The following DSG2 variants were observed in gnomAD, a reference collection of about 807,000 sequenced individuals.
The protein encoded by DSG2 is desmoglein-2.
In DSG2, 45 loss-of-function variants were observed where a neutral mutation model predicts 75.6. The observed-to-expected ratio is 0.60, with a 90% CI of 0.47 to 0.76. The LOEUF is 0.76. Among genes scored for constraint, DSG2 ranks in the 30% least tolerant of loss-of-function variants. DSG2 has a pLI of 0.00. For missense variants in DSG2, 1,267 were observed against 1,357.4 expected (o/e 0.93, Z 1.05); for synonymous variants, 429 against 483.9 (o/e 0.89, Z 1.49).
intron 11 of DSG2, among the ~76,000 whole-genome samples, chr18:31,537,729 C>T (rs2073240042): frequency 6.6e-6 from 1 of 152,052 alleles, no homozygotes; most frequent in African/African-American, 2.4e-5. Context: ...TGAAGCCGGG[C>T]ATGGTAGCTC....
chr18:31,530,688 G>A (rs2073190756), intron 8 of DSG2, among the ~76,000 whole-genome samples: 1 of 151,892 alleles, frequency 6.6e-6, no homozygotes, highest in Non-Finnish European at 1.5e-5. Flanking sequence ...CAAAGTGCTG[G>A]GATTACAGGC....
intron 1 of DSG2, among the ~76,000 whole-genome samples, chr18:31,507,041 T>C (rs1251573532): frequency 2.0e-5 from 3 of 152,210 alleles, no homozygotes; most frequent in South Asian, 4.1e-4. Flanking sequence ...ACTCGTCATC[T>C]GTATTAGGTA....
At chr18:31,511,068 A>G (rs116526442) in intron 1 of DSG2, among the ~76,000 whole-genome samples, 3,002 of 152,274 alleles carry the variant, frequency 0.02, 64 homozygotes, top group South Asian at 0.1. Context: ...CAGTCATGTT[A>G]CTTGCAGTAT....
chr18:31,516,141 G>GT (rs139697229), intron 1 of DSG2, among the ~76,000 whole-genome samples: 3,643 of 149,384 alleles, frequency 0.024, 138 homozygotes, highest in African/African-American at 0.079. Flanking sequence ...GAGGGATCTG[G>GT]TTTTTTTTTT....
chr18:31,531,166 C>T lies in DSG2; in HGVS notation c.1194C>T (p.Ser398=), dbSNP rs770669833. The T allele has an allele frequency of 8.1e-6, 13 of 1,613,930 alleles. No individual in the cohort carries two copies. The highest frequency in any genetic ancestry group is 6.7e-5 in the Admixed American group (4 of 59,996). ...FKSSVISIYV[S]ESMDRSSKGQ... The stretch of plus-strand genomic sequence containing the variant: ...GCAGCGTCATCTCAATTTATGTTAG[C>T]GAGAGCATGGATAGATCAAGCAAAG... The change falls in exon 9 of 15, where the codon AGC becomes AGT. Residue 398 remains serine, a synonymous_variant. Transcript: ENST00000261590.
chr18:31,505,646 AT>A (rs1217632730), intron 1 of DSG2, among the ~76,000 whole-genome samples: 9 of 145,842 alleles, frequency 6.2e-5, no homozygotes, highest in East Asian at 2.0e-4. Context: ...TTAAGTAGTA[AT>A]TTTTTTTTCT....
At chr18:31,539,031 T>C in intron 12 of DSG2, 53 bp downstream of exon 12, 1 of 1,501,196 alleles carries the variant, frequency 6.7e-7, no homozygotes, top group Non-Finnish European at 9.2e-7. Context: ...AGTGCACTCC[T>C]GGAGATGTGT....
rs2073248582 is a variant in DSG2, at chr18:31,538,879, C to T, written c.1780C>T (p.Leu594=). 1 of 1,614,052 alleles carries T rather than the reference C, an allele frequency of 6.2e-7. No individual in the cohort carries two copies. Among genetic ancestry groups the T allele is most frequent in the African/African-American group, 1.3e-5 (1 of 74,914 alleles). Residue 594 remains leucine (L), a synonymous_variant, in exon 12 of 15, where the codon CTG becomes TTG. Coordinates refer to ENST00000261590, the MANE Select transcript of DSG2 (RefSeq NM_001943.5). ...QVLTLTVCEC[L]HGSGCREAQH... is the part of the protein sequence containing the mutation. Reference sequence around the variant, plus strand: ...CCTTACACTCACAGTTTGTGAGTGTCTGCATGGCAGCGGCTGCAGGGAAGC... The same window carrying T: ...CCTTACACTCACAGTTTGTGAGTGTTTGCATGGCAGCGGCTGCAGGGAAGC...
chr18:31,507,297 T>C (rs1481495596), intron 1 of DSG2, among the ~76,000 whole-genome samples: 1 of 152,232 alleles, frequency 6.6e-6, no homozygotes, highest in Non-Finnish European at 1.5e-5. Context: ...ATGGTGTATA[T>C]GTACCACATT....
chr18:31,519,014 T>A (rs903966068), intron 2 of DSG2, among the ~76,000 whole-genome samples: 1 of 152,234 alleles, frequency 6.6e-6, no homozygotes, highest in African/African-American at 2.4e-5. Flanking sequence ...ATTCATTAAC[T>A]GGCAGTTTCC....
intron 8 of DSG2, among the ~76,000 whole-genome samples, chr18:31,527,959 C>T (rs1249015815): frequency 6.6e-6 from 1 of 152,162 alleles, no homozygotes; most frequent in Non-Finnish European, 1.5e-5. Flanking sequence ...CCCAGGATCT[C>T]CCAAAAGCCC....
At chr18:31,502,380 A>G (rs2073018005) in intron 1 of DSG2, among the ~76,000 whole-genome samples, 1 of 152,264 alleles carries the variant, frequency 6.6e-6, no homozygotes, top group Non-Finnish European at 1.5e-5. Context: ...TTTATGACAT[A>G]GAAAAATTTA....
chr18:31,501,368 C>T (rs971671056), intron 1 of DSG2, among the ~76,000 whole-genome samples: 2 of 152,190 alleles, frequency 1.3e-5, no homozygotes, highest in African/African-American at 4.8e-5. Flanking sequence ...TAGCAGATCA[C>T]ACTGTGAGCA....
intron 1 of DSG2, among the ~76,000 whole-genome samples, chr18:31,511,197 G>A (rs1168636986): frequency 6.6e-6 from 1 of 152,066 alleles, no homozygotes; most frequent in Non-Finnish European, 1.5e-5. Context: ...TCTTAACCTC[G>A]GCACTTGGCC....
At chr18:31,501,863 C>T (rs376568062) in intron 1 of DSG2, among the ~76,000 whole-genome samples, 14 of 152,042 alleles carry the variant, frequency 9.2e-5, no homozygotes, top group African/African-American at 2.9e-4. Context: ...TAATTTGATC[C>T]ATAACAAGTG....
At chr18:31,510,724 T>C (rs1598805101) in intron 1 of DSG2, among the ~76,000 whole-genome samples, 1 of 152,216 alleles carries the variant, frequency 6.6e-6, no homozygotes, top group East Asian at 1.9e-4. Flanking sequence ...TTTTTAGAGT[T>C]TAGCAAATTA....
In DSG2 at chr18:31,520,963, T is replaced by C; in HGVS notation, c.377T>C (p.Leu126Pro). ...ILDREETPFF[L>P]LTGYALDARG... The stretch of plus-strand genomic sequence containing the variant: ...GATCGAGAAGAAACACCATTTTTTC[T>C]GGTAAGAAGAATAATTTTAGATTTA... Residue 126 changes from leucine to proline, a missense_variant and splice_region_variant, in exon 4 of 15, where the codon CTG (leucine) becomes CCG (proline). By Grantham distance (98) the Leu-to-Pro change is moderately conservative. Transcript: ENST00000261590. 1.9e-6 allele frequency: 3 copies of C among 1,613,444 alleles called. No individual in the cohort carries two copies. The highest frequency in any genetic ancestry group is 2.5e-6 in the Non-Finnish European group (3 of 1,179,752).
In DSG2 at chr18:31,546,340, T is replaced by G. The variant is rs768813843; in HGVS notation, c.2954T>G (p.Val985Gly). The change falls in exon 15 of 15, where the codon GTT becomes GGT. Residue 985 changes from valine (V) to glycine (G), a missense_variant. By Grantham distance (109) the Val-to-Gly change is moderately radical. Coordinates refer to ENST00000261590, the MANE Select transcript of DSG2 (RefSeq NM_001943.5). Reference protein sequence around the residue: ...VDQPYANEGTVVVTERVIQPH... With the variant: ...VDQPYANEGTGVVTERVIQPH... ...CAGCCTTATGCTAATGAAGGTACAG[T>G]TGTGGTCACTGAAAGAGTAATACAG... 1 of 1,612,496 alleles carries G rather than the reference T, an allele frequency of 6.2e-7. No individual in the cohort carries two copies. Among genetic ancestry groups the G allele is most frequent in the South Asian group, 1.1e-5 (1 of 90,898 alleles).
chr18:31,536,124 T>A (rs1215786677), intron 10 of DSG2, 78 bp from the exon 11 acceptor site: 1 of 1,418,834 alleles, frequency 7.0e-7, no homozygotes, highest in African/African-American at 1.4e-5. Flanking sequence ...CCACTCCAAA[T>A]TGGCAAGGGA....
Sources: allele counts gnomAD v4.1 joint callset (sites outside exome capture counted in the v4.1 genomes callset), GRCh38; gene constraint gnomAD v4.1.1; transcripts MANE v1.5; gene names NCBI Gene and HGNC (gene_info 2026-07-23, HGNC 2026-07-21).